SH3TC1: variants seen among roughly 807,000 people sequenced by gnomAD.
The protein encoded by SH3TC1 is SH3 domain and tetratricopeptide repeats 1.
Under a neutral mutation model 117.3 loss-of-function variants are expected in SH3TC1, and 135 were observed. The ratio of observed to expected loss-of-function variants is 1.15; its 90% CI spans 1.00 to 1.33. The LOEUF (loss-of-function observed/expected upper bound fraction) is 1.33, where lower values mean the gene tolerates loss of function less well. SH3TC1 is among the 40% of genes most tolerant of loss of function. The pLI is 0.00. For synonymous variants in SH3TC1, 898 were observed against 816.9 expected (o/e 1.10, Z -1.69); for missense variants, 2,092 against 1,794.3 (o/e 1.17, Z -3.00).
rs1719047966 is a variant in SH3TC1, at chr4:8,214,522, CGTGGTGACGT to C, written c.424_433del (p.Val142LeufsTer54). The stretch of plus-strand genomic sequence containing the variant: ...CCATCCACAGTGACCAGGACCGGAT[CGTGGTGACGT>C]TTAAGACTTTTGAAGAAATCTGGAA... On this transcript the variant is annotated frameshift_variant, in exon 5 of 18. Coordinates refer to ENST00000245105, the MANE Select transcript of SH3TC1 (RefSeq NM_018986.5). LOFTEE classifies it high-confidence loss of function. 1.2e-6 allele frequency: 2 copies of C among 1,613,946 alleles called. No individual in the cohort carries two copies. Among genetic ancestry groups the C allele is most frequent in the Middle Eastern group, 3.3e-4 (2 of 6,062 alleles).
At chr4:8,182,472 G>A (rs1578628207) in intron 1 of SH3TC1, among the ~76,000 whole-genome samples, 1 of 152,176 alleles carries the variant, frequency 6.6e-6, no homozygotes, top group Non-Finnish European at 1.5e-5. Flanking sequence ...GGGTGGAGCT[G>A]GATGCTGTCA....
rs1318232118 is a variant in SH3TC1 at position 8,219,569 on chromosome 4, C to G, written c.1112+39C>G. ...GCCCCGCCCCTTTCCTGAACCCACC[C>G]CCATCTCACCTAAGGGGACGTTGCT... On this transcript the variant is annotated intron_variant, in intron 9 of 17. Transcript: ENST00000245105. 4 of 1,461,898 alleles carry G rather than the reference C, an allele frequency of 2.7e-6. No homozygotes were observed. The South Asian group carries it at 5.6e-5, about 20-fold the overall frequency. 90.6% of individuals were successfully genotyped at this position (1,461,898 alleles called of 1,614,324 possible).
upstream of SH3TC1, among the ~76,000 whole-genome samples, chr4:8,197,432 TTCC>T (rs1300971891): frequency 1.3e-5 from 2 of 152,202 alleles, no homozygotes; most frequent in East Asian, 3.8e-4. Flanking sequence ...GAACACCATC[TTCC>T]TCCTCAGACG....
At chr4:8,222,531 G>T (rs1462631852) in intron 9 of SH3TC1, among the ~76,000 whole-genome samples, 2 of 151,660 alleles carry the variant, frequency 1.3e-5, no homozygotes, top group Admixed American at 1.3e-4. Flanking sequence ...ATGCCACCAC[G>T]CCTGGCTAAT....
rs1234122582 is a variant in SH3TC1, at chr4:8,205,544, T to C, written c.172+178T>C. 1 of 914,130 alleles carries C rather than the reference T, an allele frequency of 1.1e-6. No homozygotes were observed. The highest frequency in any genetic ancestry group is 1.6e-5 in the African/African-American group (1 of 61,728). 56.6% of individuals were successfully genotyped at this position (914,130 alleles called of 1,614,324 possible). ...CCCGCGTGTGTTTAACAGGAGCCAC[T>C]GTGCCCGCTGAGTCACTTGAGAGGC... is the stretch of plus-strand genomic sequence containing the variant. On this transcript the variant is annotated intron_variant, in intron 2 of 17. Transcript: ENST00000245105. This position sits in a 1 kb window ranked among gnomAD's most constrained non-coding sequence, Gnocchi z 5.4.
chr4:8,217,962 A>T (rs966443001), intron 7 of SH3TC1, among the ~76,000 whole-genome samples: 1 of 151,406 alleles, frequency 6.6e-6, no homozygotes, highest in African/African-American at 2.4e-5. Flanking sequence ...CACTGTGTGG[A>T]GCTGGGGGAG....
At chr4:8,238,522 G>A (rs576135537) in intron 17 of SH3TC1, among the ~76,000 whole-genome samples, 1 of 152,262 alleles carries the variant, frequency 6.6e-6, no homozygotes, top group African/African-American at 2.4e-5. Context: ...CTGAGCTCTT[G>A]GGGGCCTTAG....
chr4:8,238,348 C>T (rs1285387581), intron 17 of SH3TC1, among the ~76,000 whole-genome samples: 3 of 152,214 alleles, frequency 2.0e-5, no homozygotes, highest in Non-Finnish European at 4.4e-5. Flanking sequence ...CCTGTGCTCC[C>T]TCTGCGCCCA....
chr4:8,198,964 A>G (rs571543342), upstream of SH3TC1, among the ~76,000 whole-genome samples: 3 of 152,316 alleles, frequency 2.0e-5, no homozygotes, highest in South Asian at 6.2e-4. Flanking sequence ...TGTGCAGTAA[A>G]TGGAAGAGGA....
Position 8,205,218 on chromosome 4 carries a change from C to T in SH3TC1, c.24C>T (p.Thr8=). Residue 8 remains threonine (T), a synonymous_variant, in exon 2 of 18, where the codon ACC becomes ACT. Transcript: ENST00000245105. This position sits in a 1 kb window ranked among gnomAD's most constrained non-coding sequence, Gnocchi z 5.4. The part of the protein sequence containing the change: MENLPAV[T]TEEPTPMGRG... ...TCATGGAGAACCTCCCTGCCGTGACCACTGAGGAGCCGACCCCCATGGGGA... is the reference window on the plus strand; with the variant it reads ...TCATGGAGAACCTCCCTGCCGTGACTACTGAGGAGCCGACCCCCATGGGGA... 6.5e-7 allele frequency: 1 copy of T among 1,545,466 alleles called. No homozygotes were observed.
In SH3TC1 at chr4:8,216,190, G is replaced by A. The variant is rs550297805; in HGVS notation, c.561G>A (p.Thr187=). ...WLLLPSEEEE[T]AIQVHVDENA... ...TCTTGCCCAGTGAGGAGGAGGAGAC[G>A]GCCATCCAAGTCCATGTGGATGAGA... Residue 187 remains threonine (T), a synonymous_variant, in exon 6 of 18, where the codon ACG becomes ACA. Transcript: ENST00000245105. The A allele has an allele frequency of 1.1e-5, 18 of 1,613,736 alleles. No homozygotes were observed. In the African/African-American group the frequency reaches 1.2e-4, roughly 11 times the overall value.
At position 8,192,902 on chromosome 4, in the gene SH3TC1, G is replaced by A. The variant is rs1717458398; in HGVS notation, c.-57+10692G>A. Reference sequence around the variant, plus strand: ...TTGCACAGTTGCAGGCATGACCAGGGTGGAGCAGTGAAGCGGGGCCTGACG... The same window carrying A: ...TTGCACAGTTGCAGGCATGACCAGGATGGAGCAGTGAAGCGGGGCCTGACG... On this transcript the variant is annotated intron_variant, in intron 1 of 16. Transcript: ENST00000508641. The surrounding 1 kb of genome is among the most constrained non-coding windows in gnomAD (Gnocchi z 4.1). Among the ~76,000 whole-genome samples, 1 of 152,234 alleles carries A rather than the reference G, an allele frequency of 6.6e-6. No individual in the cohort carries two copies. Among genetic ancestry groups the A allele is most frequent in the Non-Finnish European group, 1.5e-5 (1 of 68,042 alleles).
Position 8,215,407 on chromosome 4 carries a change from C to T in SH3TC1, c.482-704C>T, listed in dbSNP as rs567733801. Among the ~76,000 whole-genome samples the T allele has an allele frequency of 4.1e-4, 63 of 152,308 alleles. 1 individual carries two copies. The highest frequency in any genetic ancestry group is 7.8e-4 in the Admixed American group (12 of 15,296). On this transcript the variant is annotated intron_variant, in intron 5 of 17. Transcript: ENST00000245105. ...CAAGCACCGGTGAGCAGGGCTGAGG[C>T]TCATCCCACTGTGGACGTGGGCTTC...
At chr4:8,182,685 G>A (rs368202280) in intron 1 of SH3TC1, among the ~76,000 whole-genome samples, 77 of 152,282 alleles carry the variant, frequency 5.1e-4, no homozygotes, top group East Asian at 1.2e-3. Flanking sequence ...GGCAGTGTCC[G>A]CATGTGGCCA....
intron 1 of SH3TC1, among the ~76,000 whole-genome samples, chr4:8,191,925 G>C (rs747834163): frequency 7.2e-5 from 11 of 152,082 alleles, no homozygotes; most frequent in Non-Finnish European, 1.5e-4. Context: ...GCCGGGCTGT[G>C]TTTTCCAGGG....
rs753366150 is a variant in SH3TC1 at position 8,209,708 on chromosome 4, G to C, written c.173-40G>C. On this transcript the variant is annotated intron_variant, in intron 2 of 17. Transcript: ENST00000245105. The surrounding 1 kb of genome is among the most constrained non-coding windows in gnomAD (Gnocchi z 5.9). ...GCGCCTTCAGAGGAGCCAGGCCTTT[G>C]CTTGGTCTCCCCTAATCCTGGGAAC... 6.2e-7 allele frequency: 1 copy of C among 1,612,802 alleles called. No homozygotes were observed. Among genetic ancestry groups the C allele is most frequent in the Non-Finnish European group, 8.5e-7 (1 of 1,179,716 alleles).
chr4:8,232,188 G>A, intron 13 of SH3TC1, 32 bp downstream of exon 13: 4 of 381,628 alleles, frequency 1.0e-5, no homozygotes, highest in Middle Eastern at 9.0e-4. Flanking sequence ...GTGGGGGCGG[G>A]GGGAGGGGGC....
Position 8,209,585 on chromosome 4 carries a change from C to A in SH3TC1, c.173-163C>A. 3 of 1,512,324 alleles carry A rather than the reference C, an allele frequency of 2.0e-6. No homozygotes were observed. Among genetic ancestry groups the A allele is most frequent in the South Asian group, 1.2e-5 (1 of 82,786 alleles). 93.7% of individuals were successfully genotyped at this position (1,512,324 alleles called of 1,614,324 possible). Reference sequence around the variant, plus strand: ...GAAGTGCAGGCAGCTTCCCTCCTTGCTGGGCTCTGGGGAGACTGGAGGAAG... The same window carrying A: ...GAAGTGCAGGCAGCTTCCCTCCTTGATGGGCTCTGGGGAGACTGGAGGAAG... On this transcript the variant is annotated intron_variant, in intron 2 of 17. Coordinates refer to ENST00000245105, the MANE Select transcript of SH3TC1 (RefSeq NM_018986.5). This position sits in a 1 kb window ranked among gnomAD's most constrained non-coding sequence, Gnocchi z 5.9.
chr4:8,202,190 C>A (rs370424803), intron 1 of SH3TC1, among the ~76,000 whole-genome samples: 1 of 152,160 alleles, frequency 6.6e-6, no homozygotes, highest in Non-Finnish European at 1.5e-5. Context: ...GTGCCAGGAC[C>A]GCAGTCCTGC....
Sources: allele counts gnomAD v4.1 joint callset (sites outside exome capture counted in the v4.1 genomes callset), GRCh38; gene constraint gnomAD v4.1.1; non-coding constraint Gnocchi (gnomAD v3.1); transcripts MANE v1.5; gene names NCBI Gene and HGNC (gene_info 2026-07-23, HGNC 2026-07-21).